SEL1L2: variants seen among roughly 807,000 people sequenced by gnomAD.
SEL1L2 encodes SEL1L2 adaptor subunit of SYVN1 ubiquitin ligase.
Under a neutral mutation model 98.8 loss-of-function variants are expected in SEL1L2, and 89 were observed. The observed-to-expected ratio is 0.90, with a 90% CI of 0.76 to 1.07. The LOEUF (loss-of-function observed/expected upper bound fraction) is 1.07, where lower values mean the gene tolerates loss of function less well. Ranked by LOEUF, SEL1L2 falls within the 50% of genes least tolerant of loss-of-function variation. The probability of loss-of-function intolerance (pLI) is 0.00; values close to 1 mark genes in which losing one functional copy is unlikely to be tolerated. For missense variants in SEL1L2, 788 were observed against 812.0 expected (o/e 0.97, Z 0.36); for synonymous variants, 262 against 278.5 (o/e 0.94, Z 0.59).
intron 18 of SEL1L2, among the ~76,000 whole-genome samples, chr20:13,858,455 A>G (rs1989515596): frequency 6.6e-6 from 1 of 152,140 alleles, no homozygotes; most frequent in Non-Finnish European, 1.5e-5. Context: ...TGGCCAAATG[A>G]CATAACCTCT....
chr20:13,858,490 A>T (rs1412755832), intron 18 of SEL1L2, among the ~76,000 whole-genome samples: 2 of 152,190 alleles, frequency 1.3e-5, no homozygotes, highest in Non-Finnish European at 2.9e-5. Context: ...CCTGATGCAT[A>T]CACAGTGGAT....
intron 2 of SEL1L2, among the ~76,000 whole-genome samples, chr20:13,934,569 A>G (rs1237047240): frequency 7.1e-6 from 1 of 141,490 alleles, no homozygotes; most frequent in African/African-American, 2.6e-5. Context: ...TTCTGCTGCT[A>G]TAAGCCTGTG....
At chr20:13,931,904 T>G in intron 2 of SEL1L2, 133 bp from the exon 3 acceptor site, 1 of 641,318 alleles carries the variant, frequency 1.6e-6, no homozygotes, top group Non-Finnish European at 2.4e-6. Flanking sequence ...TCTTGCTTTT[T>G]TCAAATCAAA....
intron 2 of SEL1L2, among the ~76,000 whole-genome samples, chr20:13,935,281 T>C (rs1412701478): frequency 4.6e-5 from 7 of 152,320 alleles, no homozygotes; most frequent in Non-Finnish European, 4.4e-5. Flanking sequence ...TTGCTCTCAG[T>C]CCCTGCTCTC....
intron 10 of SEL1L2, among the ~76,000 whole-genome samples, chr20:13,884,704 T>A (rs1359346198): frequency 1.3e-5 from 2 of 151,904 alleles, no homozygotes; most frequent in Non-Finnish European, 2.9e-5. Flanking sequence ...AGACGGGGTT[T>A]CACCGTGTTC....
intron 10 of SEL1L2, among the ~76,000 whole-genome samples, chr20:13,881,361 G>A (rs555944559): frequency 1.1e-4 from 16 of 152,264 alleles, no homozygotes; most frequent in African/African-American, 3.4e-4. Flanking sequence ...AGAAAAGATG[G>A]TATTAGCTCT....
chr20:13,866,969 A>C, intron 14 of SEL1L2, 119 bp from the exon 15 acceptor site: 1 of 967,864 alleles, frequency 1.0e-6, no homozygotes. Flanking sequence ...AAGCCAACCA[A>C]AAGTCAAGCT....
At chr20:13,944,025 C>T (rs1349358151) in intron 2 of SEL1L2, among the ~76,000 whole-genome samples, 3 of 152,208 alleles carry the variant, frequency 2.0e-5, no homozygotes, top group East Asian at 3.9e-4. Flanking sequence ...AATGGCAGCT[C>T]GGTTTTCAGG....
chr20:13,947,965 C>A (rs1021693140), intron 2 of SEL1L2, among the ~76,000 whole-genome samples: 2 of 152,232 alleles, frequency 1.3e-5, no homozygotes, highest in Admixed American at 1.3e-4. Flanking sequence ...TTGGCTCGCC[C>A]TTGGCAGTTG....
intron 1 of SEL1L2, 88 bp downstream of exon 1, chr20:13,990,389 C>G (rs1171249877): frequency 2.3e-6 from 2 of 871,256 alleles, no homozygotes; most frequent in Non-Finnish European, 3.8e-6. Context: ...AAAGTTACTT[C>G]TAGTCTTTTA....
At chr20:13,894,297 T>C (rs906772191) in intron 5 of SEL1L2, among the ~76,000 whole-genome samples, 1 of 152,186 alleles carries the variant, frequency 6.6e-6, no homozygotes, top group Non-Finnish European at 1.5e-5. Context: ...CAGTGGCTCA[T>C]GCCTGTAATC....
At chr20:13,890,618 A>G (rs529053560) in intron 5 of SEL1L2, among the ~76,000 whole-genome samples, 13 of 152,318 alleles carry the variant, frequency 8.5e-5, no homozygotes, top group African/African-American at 2.9e-4. Flanking sequence ...ACAACAAGGC[A>G]CACCAGGAAA....
chr20:13,917,786 CTTTTTTTTTTTTT>C (rs5840588), intron 4 of SEL1L2, among the ~76,000 whole-genome samples: 6 of 50,102 alleles, frequency 1.2e-4, no homozygotes, highest in East Asian at 8.4e-4. Flanking sequence ...TTCTTTCTTT[CTTTTTTTTTTTTT>C]TTTTTTTTTT....
chr20:13,928,448 T>C (rs1290668886), intron 3 of SEL1L2: 3 of 152,186 alleles, frequency 2.0e-5, no homozygotes, highest in East Asian at 1.9e-4. Context: ...TTCTAGTAAA[T>C]AGAATTTTTC....
intron 4 of SEL1L2, 66 bp downstream of exon 4, chr20:13,918,955 T>G: frequency 9.4e-7 from 1 of 1,064,026 alleles, no homozygotes; most frequent in Non-Finnish European, 1.4e-6. Flanking sequence ...TAAACTACAT[T>G]TGGGATTTTT....
chr20:13,902,092 T>C (rs905816926), intron 5 of SEL1L2, among the ~76,000 whole-genome samples: 4 of 152,170 alleles, frequency 2.6e-5, no homozygotes, highest in African/African-American at 9.6e-5. Context: ...GGTGTTGCCA[T>C]GGCAATGGTA....
chr20:13,858,759 A>C (rs1989564988), intron 18 of SEL1L2, among the ~76,000 whole-genome samples: 1 of 151,604 alleles, frequency 6.6e-6, no homozygotes, highest in Non-Finnish European at 1.5e-5. Flanking sequence ...GGGGGACTGG[A>C]GATTCACTCT....
intron 5 of SEL1L2, among the ~76,000 whole-genome samples, chr20:13,890,247 C>A (rs2047147879): frequency 6.6e-6 from 1 of 152,112 alleles, no homozygotes; most frequent in African/African-American, 2.4e-5. Flanking sequence ...TGGTTTTTTT[C>A]CTCACCTAAC....
Position 13,965,107 on chromosome 20 carries a change from G to A in SEL1L2, c.59-8976C>T, listed in dbSNP as rs2050978766. 2.3e-5 allele frequency among the ~76,000 whole-genome samples: 3 copies of A among 130,782 alleles called. No individual in the cohort carries two copies. In the South Asian group the frequency reaches 8.8e-4, roughly 38 times the overall value. 85.8% of individuals were successfully genotyped at this position (130,782 alleles called of 152,430 possible). ...GGGAGTTTGGAGTGGACAGCTGTGG[G>A]TGCAGGAGGTCAGGAAGTAGGAAGG... On this transcript the variant is annotated intron_variant, in intron 1 of 19. Coordinates refer to ENST00000284951, the MANE Select transcript of SEL1L2 (RefSeq NM_025229.2).
Sources: gnomAD v4.1 joint callset for allele counts (sites outside exome capture counted in the v4.1 genomes callset) on GRCh38, gnomAD v4.1.1 for gene constraint, MANE v1.5 for transcripts, NCBI Gene and HGNC (gene_info 2026-07-23, HGNC 2026-07-21) for gene names.